Variants in OTUD7A observed in about 807,000 individuals in gnomAD.
OTUD7A encodes the protein OTU domain-containing protein 7A.
OTUD7A carries 12 observed loss-of-function variants against 65.7 expected under a neutral mutation model. That is an observed-to-expected ratio of 0.18 (90% CI 0.12 to 0.30). The LOEUF is 0.30. OTUD7A is among the 10% of genes least tolerant of loss of function. The probability of loss-of-function intolerance (pLI) is 1.00; values close to 1 mark genes in which losing one functional copy is unlikely to be tolerated. For missense variants in OTUD7A, 1,148 were observed against 1,304.8 expected (o/e 0.88, Z 1.85); for synonymous variants, 641 against 586.3 (o/e 1.09, Z -1.35).
At chr15:31,537,079 C>A (rs1887827098) in intron 5 of OTUD7A, among the ~76,000 whole-genome samples, 1 of 152,074 alleles carries the variant, frequency 6.6e-6, no homozygotes. Context: ...GGTGTTGTTT[C>A]TATCAGAATA....
Position 31,484,857 on chromosome 15 carries a change from C to G in OTUD7A, c.1372-133G>C, listed in dbSNP as rs2041213746. The G allele has an allele frequency of 7.0e-7, 1 of 1,436,674 alleles. No individual in the cohort carries two copies. The highest frequency in any genetic ancestry group is 1.4e-5 in the South Asian group (1 of 69,860). The allele number at this position is 1,436,674 out of a possible 1,614,324, so 89.0% of individuals were successfully genotyped here. ...CCTTCACTGTCCCAGTCCCCACTGT[C>G]GCTCTGGTGACTGTGACATCCGGAT... On this transcript the variant is annotated intron_variant, in intron 12 of 12. Coordinates refer to ENST00000307050, the MANE Select transcript of OTUD7A (RefSeq NM_001382637.1). This position sits in a 1 kb window ranked among gnomAD's most constrained non-coding sequence, Gnocchi z 4.5.
chr15:31,832,121 T>C (rs763849292), intron 1 of OTUD7A, among the ~76,000 whole-genome samples: 2 of 152,236 alleles, frequency 1.3e-5, no homozygotes, highest in Non-Finnish European at 2.9e-5. Context: ...GTTGGGCTGG[T>C]AGGTTGAGAA....
intron 3 of OTUD7A, among the ~76,000 whole-genome samples, chr15:31,583,208 A>G (rs1325616904): frequency 7.2e-5 from 11 of 152,176 alleles, no homozygotes; most frequent in Non-Finnish European, 5.9e-5. Context: ...CTTTTCCCAG[A>G]ACTCTCTTTC....
intron 1 of OTUD7A, among the ~76,000 whole-genome samples, chr15:31,835,458 T>C (rs1183751468): frequency 6.6e-6 from 1 of 152,198 alleles, no homozygotes; most frequent in African/African-American, 2.4e-5. Context: ...CCATAGAGAA[T>C]GGTGAGGCCA....
Position 31,484,005 on chromosome 15 carries a change from CGTG to C in OTUD7A, c.2088_2090del (p.Thr697del), listed in dbSNP as rs1566877546. Reference sequence around the variant, plus strand: ...CCGGTCTGCGCGGCGGCCGCTTGGCCGTGGCGGCGGCGGCGGCGGCGGCAGCGG... The same window carrying C: ...CCGGTCTGCGCGGCGGCCGCTTGGCCGCGGCGGCGGCGGCGGCGGCAGCGG... On this transcript the variant is annotated inframe_deletion, in exon 13 of 13. Coordinates refer to ENST00000307050, the MANE Select transcript of OTUD7A (RefSeq NM_001382637.1). This position sits in a 1 kb window ranked among gnomAD's most constrained non-coding sequence, Gnocchi z 4.5. 9.3e-7 allele frequency: 1 copy of C among 1,073,604 alleles called. No homozygotes were observed. The highest frequency in any genetic ancestry group is 4.4e-5 in the South Asian group (1 of 22,772). 66.5% of individuals were successfully genotyped at this position (1,073,604 alleles called of 1,614,324 possible).
chr15:31,620,024 T>A (rs1890726653), intron 3 of OTUD7A, among the ~76,000 whole-genome samples: 1 of 152,212 alleles, frequency 6.6e-6, no homozygotes, highest in Non-Finnish European at 1.5e-5. Context: ...ATTGAGATAA[T>A]CACATGGTTT....
chr15:31,816,374 A>G (rs931347846), intron 1 of OTUD7A, among the ~76,000 whole-genome samples: 1 of 152,190 alleles, frequency 6.6e-6, no homozygotes, highest in Non-Finnish European at 1.5e-5. Context: ...ATCCCACTAT[A>G]TTAAGAAAAA....
chr15:31,714,761 T>G lies in OTUD7A; in HGVS notation c.-99-57684A>C, dbSNP rs1288913771. The stretch of plus-strand genomic sequence containing the variant: ...GTGCTATTGATCAGTTCATTTAGTT[T>G]AAGTATTTTTACTAACATGAGCAAA... On this transcript the variant is annotated intron_variant, in intron 1 of 12. Coordinates refer to ENST00000307050, the MANE Select transcript of OTUD7A (RefSeq NM_001382637.1). Among the ~76,000 whole-genome samples the G allele has an allele frequency of 3.3e-5, 5 of 152,308 alleles. No homozygotes were observed. In the East Asian group the frequency reaches 9.6e-4, roughly 29 times the overall value.
At chr15:31,732,144 T>C (rs933565897) in intron 1 of OTUD7A, among the ~76,000 whole-genome samples, 6 of 152,220 alleles carry the variant, frequency 3.9e-5, no homozygotes, top group African/African-American at 1.2e-4. Flanking sequence ...CTACACTTCA[T>C]GGCCTTTTCC....
At chr15:31,532,685 T>C (rs1887667926) in intron 5 of OTUD7A, among the ~76,000 whole-genome samples, 1 of 152,006 alleles carries the variant, frequency 6.6e-6, no homozygotes, top group Admixed American at 6.6e-5. Context: ...CCCAGCACTT[T>C]GGGAGGCTGA....
chr15:31,645,036 T>C (rs1209774453), intron 3 of OTUD7A, among the ~76,000 whole-genome samples: 1 of 152,186 alleles, frequency 6.6e-6, no homozygotes, highest in Non-Finnish European at 1.5e-5. Flanking sequence ...GCTGCAGTTC[T>C]CTCTGTGTAG....
Position 31,738,225 on chromosome 15 carries a change from G to A in OTUD7A, c.-99-81148C>T, listed in dbSNP as rs1894245382. Among the ~76,000 whole-genome samples, 6 of 152,168 alleles carry A rather than the reference G, an allele frequency of 3.9e-5. No homozygotes were observed. The South Asian group carries it at 1.2e-3, about 32-fold the overall frequency. Reference sequence around the variant, plus strand: ...CATGGGGGGATGGGGAGAGAGGGAGGAGGGAGAATGGCAGGGGGCCTGGAG... The same window carrying A: ...CATGGGGGGATGGGGAGAGAGGGAGAAGGGAGAATGGCAGGGGGCCTGGAG... On this transcript the variant is annotated intron_variant, in intron 1 of 12. Transcript: ENST00000307050.
intron 1 of OTUD7A, among the ~76,000 whole-genome samples, chr15:31,678,528 A>G (rs1192779009): frequency 1.3e-5 from 2 of 152,238 alleles, no homozygotes; most frequent in Non-Finnish European, 2.9e-5. Flanking sequence ...GTGCAGTCTC[A>G]GGACTTGGTG....
At chr15:31,783,840 C>T (rs1895603852) in intron 1 of OTUD7A, among the ~76,000 whole-genome samples, 1 of 152,126 alleles carries the variant, frequency 6.6e-6, no homozygotes, top group African/African-American at 2.4e-5. Flanking sequence ...TGGCAAGCAT[C>T]CTCTTGAAAA....
At chr15:31,780,946 GC>G (rs1311988288) in intron 1 of OTUD7A, among the ~76,000 whole-genome samples, 12 of 152,250 alleles carry the variant, frequency 7.9e-5, no homozygotes. Flanking sequence ...GATGTACTGA[GC>G]AGTTATATTT....
chr15:31,606,218 T>C (rs932392917), intron 3 of OTUD7A, among the ~76,000 whole-genome samples: 3 of 152,238 alleles, frequency 2.0e-5, no homozygotes, highest in African/African-American at 7.2e-5. Flanking sequence ...GCAGGGTTGT[T>C]GTGAAACTTT....
At chr15:31,770,118 A>C (rs1034174661) in intron 1 of OTUD7A, among the ~76,000 whole-genome samples, 1 of 152,180 alleles carries the variant, frequency 6.6e-6, no homozygotes, top group Admixed American at 6.5e-5. Flanking sequence ...AAACAGAAAA[A>C]TAAAATATCA....
At chr15:31,685,191 T>C (rs1892807800) in intron 1 of OTUD7A, among the ~76,000 whole-genome samples, 1 of 152,194 alleles carries the variant, frequency 6.6e-6, no homozygotes, top group Non-Finnish European at 1.5e-5. Context: ...AATAAAGAGG[T>C]TTACAGCCCT....
At chr15:31,694,767 T>C (rs1893036135) in intron 1 of OTUD7A, among the ~76,000 whole-genome samples, 1 of 152,212 alleles carries the variant, frequency 6.6e-6, no homozygotes, top group African/African-American at 2.4e-5. Flanking sequence ...CCCTCCAGGT[T>C]CATTCTTGCC....
Sources: allele counts gnomAD v4.1 joint callset (sites outside exome capture counted in the v4.1 genomes callset), GRCh38; gene constraint gnomAD v4.1.1; non-coding constraint Gnocchi (gnomAD v3.1); transcripts MANE v1.5; gene names NCBI Gene and HGNC (gene_info 2026-07-23, HGNC 2026-07-21).